The following NELL2 variants were observed in gnomAD, a reference collection of about 807,000 sequenced individuals.
The protein encoded by NELL2 is protein kinase C-binding protein NELL2.
In NELL2, 41 loss-of-function variants were observed where a neutral mutation model predicts 109.6. The observed-to-expected ratio is 0.37, with a 90% CI of 0.29 to 0.49. The LOEUF is 0.49. Ranked by LOEUF, NELL2 falls within the 20% of genes least tolerant of loss-of-function variation. NELL2 has a pLI of 0.98. For missense variants in NELL2, 900 were observed against 1,008.3 expected, an observed-to-expected ratio of 0.89 and a Z score of 1.45; for synonymous variants, 355 against 344.7, an observed-to-expected ratio of 1.03 and a Z score of -0.33.
At chr12:44,655,543 A>T (rs1253087405) in intron 13 of NELL2, among the ~76,000 whole-genome samples, 1 of 152,194 alleles carries the variant, frequency 6.6e-6, no homozygotes, top group Non-Finnish European at 1.5e-5. Flanking sequence ...AAAAGAGATA[A>T]GCACATTGCC....
chr12:44,549,985 T>C (rs1942964294), intron 15 of NELL2, among the ~76,000 whole-genome samples: 1 of 152,150 alleles, frequency 6.6e-6, no homozygotes, highest in Admixed American at 6.6e-5. Context: ...ACTTTCTGAT[T>C]TGAAATTCTA....
intron 16 of NELL2, among the ~76,000 whole-genome samples, chr12:44,529,810 TGGAA>T (rs1209894205): frequency 6.6e-6 from 1 of 152,180 alleles, no homozygotes; most frequent in African/African-American, 2.4e-5. Context: ...AAAGTGTCAC[TGGAA>T]GGAAGAAGGC....
At chr12:44,878,439 G>A (rs1323027831), upstream of NELL2, among the ~76,000 whole-genome samples, 1 of 152,166 alleles carries the variant, frequency 6.6e-6, no homozygotes, top group Non-Finnish European at 1.5e-5. Context: ...TTCTCAACCT[G>A]GGCAGGAGTT....
At chr12:44,646,400 G>A (rs1483393864) in intron 13 of NELL2, among the ~76,000 whole-genome samples, 1 of 152,176 alleles carries the variant, frequency 6.6e-6, no homozygotes, top group Non-Finnish European at 1.5e-5. Context: ...TATGTTCTAA[G>A]ACCTGCAGTG....
At chr12:44,603,207 G>GA (rs11356832) in intron 15 of NELL2, among the ~76,000 whole-genome samples, 2 of 150,282 alleles carry the variant, frequency 1.3e-5, no homozygotes, top group Non-Finnish European at 3.0e-5. Flanking sequence ...TATTTGCACA[G>GA]AAAAAAAAAG....
chr12:44,886,204 G>T (rs1378041876), intron 1 of NELL2, among the ~76,000 whole-genome samples: 1 of 151,748 alleles, frequency 6.6e-6, no homozygotes, highest in Non-Finnish European at 1.5e-5. Context: ...ACCTAAAGTG[G>T]ATTATAAGCT....
intron 12 of NELL2, among the ~76,000 whole-genome samples, chr12:44,703,353 T>C (rs547188850): frequency 6.6e-6 from 1 of 152,290 alleles, no homozygotes. Context: ...ATCTTCCTGT[T>C]AAGTGATTGC....
chr12:44,913,941 C>T, upstream of NELL2: 1 of 381,100 alleles, frequency 2.6e-6, no homozygotes, highest in Non-Finnish European at 4.8e-6. Flanking sequence ...TTGCTCAGGC[C>T]AAAAACCTTG....
At chr12:44,815,965 A>C in intron 3 of NELL2, 21 bp downstream of exon 3, 3 of 1,598,434 alleles carry the variant, frequency 1.9e-6, no homozygotes, top group South Asian at 1.1e-5. Flanking sequence ...AAACACAGGA[A>C]ACTCCAGCAA....
intron 15 of NELL2, among the ~76,000 whole-genome samples, chr12:44,591,687 C>G (rs896381915): frequency 1.3e-5 from 2 of 152,032 alleles, no homozygotes; most frequent in Non-Finnish European, 2.9e-5. Context: ...TAAGTTCTAG[C>G]TTTTTATAGC....
intron 2 of NELL2, among the ~76,000 whole-genome samples, chr12:44,855,578 G>T (rs1944660683): frequency 6.6e-6 from 1 of 152,156 alleles, no homozygotes; most frequent in South Asian, 2.1e-4. Flanking sequence ...TACCCTGGAT[G>T]CACTCCAGTT....
At chr12:44,559,663 ACC>A in intron 15 of NELL2, among the ~76,000 whole-genome samples, 1 of 152,204 alleles carries the variant, frequency 6.6e-6, no homozygotes, top group Admixed American at 6.5e-5. Context: ...ATACAGGAGC[ACC>A]CAGATTCATA....
intron 16 of NELL2, among the ~76,000 whole-genome samples, chr12:44,528,814 G>A (rs1182870376): frequency 6.6e-6 from 1 of 152,154 alleles, no homozygotes; most frequent in Non-Finnish European, 1.5e-5. Flanking sequence ...TAGCAGTCCA[G>A]GAGAAACCAT....
intron 9 of NELL2, among the ~76,000 whole-genome samples, chr12:44,724,779 C>A (rs1425708106): frequency 7.0e-6 from 1 of 142,466 alleles, no homozygotes; most frequent in Non-Finnish European, 1.5e-5. Context: ...TCATATGGAA[C>A]CAAAAAAGAG....
intron 3 of NELL2, among the ~76,000 whole-genome samples, chr12:44,796,222 T>C (rs1942615500): frequency 6.6e-6 from 1 of 152,180 alleles, no homozygotes; most frequent in Non-Finnish European, 1.5e-5. Flanking sequence ...TTGCATTTCC[T>C]ATGATACAAT....
chr12:44,772,038 A>G (rs1377641167), intron 9 of NELL2, among the ~76,000 whole-genome samples: 1 of 152,220 alleles, frequency 6.6e-6, no homozygotes, highest in Admixed American at 6.5e-5. Flanking sequence ...GTTTTCAATA[A>G]TAATCTATTT....
chr12:44,696,694 A>AT (rs1473262323), intron 12 of NELL2, among the ~76,000 whole-genome samples: 1 of 152,216 alleles, frequency 6.6e-6, no homozygotes, highest in African/African-American at 2.4e-5. Flanking sequence ...ACAACTCAAT[A>AT]AACTCAGTGC....
In NELL2 at chr12:44,665,494, A is replaced by C; in HGVS notation, c.1434T>G (p.Tyr478Ter). 1 of 1,611,902 alleles carries C rather than the reference A, an allele frequency of 6.2e-7. No individual in the cohort carries two copies. The change falls in exon 13 of 20, where the codon TAT (tyrosine) becomes TAG (stop). Residue 478 changes from tyrosine (Y) to a stop codon, truncating the protein, a stop_gained. Transcript: ENST00000429094. LOFTEE classifies it high-confidence loss of function. ...ATAGCCACCGTTTACCTGTACATGA[A>C]TAATCATCAATTCTGATGTATCCAG... ...CKTGYIRIDD[Y>*]SCTEHDECIT...
chr12:44,779,787 A>T, intron 4 of NELL2, 28 bp from the exon 5 acceptor site: 1 of 1,613,492 alleles, frequency 6.2e-7, no homozygotes, highest in Non-Finnish European at 8.5e-7. Context: ...CAAAGAAGGA[A>T]CGTGAGTAGA....
Sources: allele counts gnomAD v4.1 joint callset (sites outside exome capture counted in the v4.1 genomes callset), GRCh38; gene constraint gnomAD v4.1.1; transcripts MANE v1.5; gene names NCBI Gene and HGNC (gene_info 2026-07-23, HGNC 2026-07-21).